PDGFD: variants seen among roughly 807,000 people sequenced by gnomAD.
The protein encoded by PDGFD is platelet-derived growth factor D.
A neutral mutation model predicts 44.7 loss-of-function variants in PDGFD; 30 were observed. That is an observed-to-expected ratio of 0.67 (90% CI 0.50 to 0.91). The LOEUF (loss-of-function observed/expected upper bound fraction) is 0.91, where lower values mean the gene tolerates loss of function less well. Among genes scored for constraint, PDGFD ranks in the 40% least tolerant of loss-of-function variants. PDGFD has a pLI of 0.00. For synonymous variants in PDGFD, 173 were observed against 168.4 expected, an observed-to-expected ratio of 1.03 and a Z score of -0.21; for missense variants, 445 against 457.8, an observed-to-expected ratio of 0.97 and a Z score of 0.25.
At chr11:103,958,507 A>G (rs979751795) in intron 3 of PDGFD, among the ~76,000 whole-genome samples, 1 of 152,212 alleles carries the variant, frequency 6.6e-6, no homozygotes, top group African/African-American at 2.4e-5. Context: ...GACTTAGGAA[A>G]TTATTCCTGC....
chr11:104,115,636 T>C (rs1861625544), intron 1 of PDGFD, among the ~76,000 whole-genome samples: 1 of 152,084 alleles, frequency 6.6e-6, no homozygotes, highest in South Asian at 2.1e-4. Flanking sequence ...GTGGTTGTAG[T>C]GGTTTACATT....
chr11:103,942,912 T>C (rs371880204), intron 5 of PDGFD, among the ~76,000 whole-genome samples: 3 of 152,160 alleles, frequency 2.0e-5, no homozygotes, highest in East Asian at 3.8e-4. Context: ...TTGGGGCTAA[T>C]AATGCCTTGC....
At chr11:103,990,676 GA>G (rs1859436195) in intron 3 of PDGFD, among the ~76,000 whole-genome samples, 1 of 152,138 alleles carries the variant, frequency 6.6e-6, no homozygotes, top group Non-Finnish European at 1.5e-5. Flanking sequence ...GGATATATTT[GA>G]GGGAAAGAAA....
intron 1 of PDGFD, among the ~76,000 whole-genome samples, chr11:104,154,635 C>A (rs943953559): frequency 6.6e-6 from 1 of 152,100 alleles, no homozygotes; most frequent in Non-Finnish European, 1.5e-5. Context: ...TAGAACATAC[C>A]TGTTGGCTGA....
chr11:104,098,181 T>C (rs912529295), intron 1 of PDGFD, among the ~76,000 whole-genome samples: 1 of 152,180 alleles, frequency 6.6e-6, no homozygotes, highest in Non-Finnish European at 1.5e-5. Flanking sequence ...AGTATCCACC[T>C]GGTGCCTACT....
At chr11:104,138,358 AAG>A (rs1862039948) in intron 1 of PDGFD, among the ~76,000 whole-genome samples, 1 of 152,210 alleles carries the variant, frequency 6.6e-6, no homozygotes, top group African/African-American at 2.4e-5. Flanking sequence ...GGCATCACAA[AAG>A]ATTTCACTAT....
intron 1 of PDGFD, among the ~76,000 whole-genome samples, chr11:104,099,712 T>C (rs1172819715): frequency 6.6e-6 from 1 of 151,008 alleles, no homozygotes; most frequent in African/African-American, 2.4e-5. Context: ...CTCATCTTCC[T>C]GCCTTGAAAA....
intron 3 of PDGFD, among the ~76,000 whole-genome samples, chr11:103,983,225 T>C (rs1318783849): frequency 6.6e-6 from 1 of 151,656 alleles, no homozygotes; most frequent in Non-Finnish European, 1.5e-5. Flanking sequence ...AACAGATACC[T>C]AGACCAATGG....
In PDGFD at chr11:104,056,193, C is replaced by T. The variant is rs1276934838; in HGVS notation, c.125-55938G>A. 2.0e-5 allele frequency among the ~76,000 whole-genome samples: 3 copies of T among 152,108 alleles called. No individual in the cohort carries two copies. The East Asian group carries it at 5.8e-4, about 29-fold the overall frequency. On this transcript the variant is annotated intron_variant, in intron 1 of 6. Transcript: ENST00000393158. The stretch of plus-strand genomic sequence containing the variant: ...ATTATCTATAAACACAAATACATCA[C>T]ATGTCCAAGTTGTGTCTTTTTTATA...
chr11:103,969,944 A>G (rs888809895), intron 3 of PDGFD, among the ~76,000 whole-genome samples: 2 of 152,104 alleles, frequency 1.3e-5, no homozygotes, highest in Non-Finnish European at 2.9e-5. Context: ...TTAAAACAAT[A>G]CAGAGTTTCC....
chr11:104,029,964 G>A (rs999816557), intron 1 of PDGFD, among the ~76,000 whole-genome samples: 2 of 151,886 alleles, frequency 1.3e-5, no homozygotes, highest in South Asian at 2.1e-4. Flanking sequence ...AATCTTAAAC[G>A]TTTTGAGCTC....
chr11:104,115,599 T>C (rs1423122658), intron 1 of PDGFD, among the ~76,000 whole-genome samples: 2 of 152,026 alleles, frequency 1.3e-5, no homozygotes, highest in African/African-American at 4.8e-5. Flanking sequence ...TTTAGTTCTT[T>C]AAGAAACCTC....
chr11:104,030,135 T>C (rs1860102744), intron 1 of PDGFD, among the ~76,000 whole-genome samples: 1 of 152,238 alleles, frequency 6.6e-6, no homozygotes, highest in South Asian at 2.1e-4. Flanking sequence ...CATTTCGTGT[T>C]TATACTTAGG....
chr11:104,135,375 T>C (rs567042487), intron 1 of PDGFD, among the ~76,000 whole-genome samples: 1 of 152,140 alleles, frequency 6.6e-6, no homozygotes, highest in Non-Finnish European at 1.5e-5. Context: ...AACTAACAGA[T>C]AGAATTGACT....
chr11:103,991,737 C>T (rs567448910), intron 3 of PDGFD, among the ~76,000 whole-genome samples: 3 of 152,226 alleles, frequency 2.0e-5, no homozygotes, highest in African/African-American at 7.2e-5. Context: ...ATAATAATAA[C>T]AATAATAGCC....
intron 1 of PDGFD, among the ~76,000 whole-genome samples, chr11:104,118,783 A>G (rs1282331608): frequency 8.9e-6 from 1 of 112,554 alleles, no homozygotes; most frequent in Admixed American, 1.3e-4. Context: ...TATATAATAT[A>G]TTATATATTA....
chr11:104,115,037 C>T (rs191046184), intron 1 of PDGFD, among the ~76,000 whole-genome samples: 210 of 151,696 alleles, frequency 1.4e-3, no homozygotes, highest in Non-Finnish European at 2.7e-3. Flanking sequence ...AGTCTTTTAT[C>T]CCACACCCCC....
At chr11:104,074,456 A>G (rs1457879856) in intron 1 of PDGFD, among the ~76,000 whole-genome samples, 1 of 152,230 alleles carries the variant, frequency 6.6e-6, no homozygotes, top group Non-Finnish European at 1.5e-5. Context: ...GCTATTTCCA[A>G]CAGAGCTTTT....
chr11:104,148,791 G>A lies in PDGFD; in HGVS notation c.124+15013C>T, dbSNP rs145457531. On this transcript the variant is annotated intron_variant, in intron 1 of 6. Transcript: ENST00000393158. The stretch of plus-strand genomic sequence containing the variant: ...CCCAGTGTGTGTTGTTCCCCAATAC[G>A]TGTCCATGTGTTCTCATAACTTAGC... Among the ~76,000 whole-genome samples the A allele has an allele frequency of 3.6e-3, 551 of 151,954 alleles. 4 individuals carry two copies. Among genetic ancestry groups the A allele is most frequent in the African/African-American group, 0.012 (517 of 41,444 alleles).
Sources: allele counts gnomAD v4.1 joint callset (sites outside exome capture counted in the v4.1 genomes callset), GRCh38; gene constraint gnomAD v4.1.1; transcripts MANE v1.5; gene names NCBI Gene and HGNC (gene_info 2026-07-23, HGNC 2026-07-21).